Variants in FAR2 observed in about 807,000 individuals in gnomAD.
FAR2 encodes epididymis secretory protein Li 81.
In FAR2, 19 loss-of-function variants were observed where a neutral mutation model predicts 56.0. That is an observed-to-expected ratio of 0.34 (90% CI 0.24 to 0.50). FAR2 has a LOEUF of 0.50. FAR2 is among the 20% of genes least tolerant of loss of function. The probability of loss-of-function intolerance (pLI) is 0.98; values close to 1 mark genes in which losing one functional copy is unlikely to be tolerated. For missense variants in FAR2, 508 were observed against 642.2 expected, an observed-to-expected ratio of 0.79 and a Z score of 2.26; for synonymous variants, 219 against 218.8, an observed-to-expected ratio of 1.00 and a Z score of -0.01.
At chr12:29,319,373 A>G (rs1049453387) in intron 9 of FAR2, among the ~76,000 whole-genome samples, 3 of 152,206 alleles carry the variant, frequency 2.0e-5, no homozygotes, top group Admixed American at 6.5e-5. Flanking sequence ...TGTCAAACTC[A>G]TAAGGAATGA....
chr12:29,217,268 A>G lies in FAR2; in HGVS notation c.-38-53144A>G, dbSNP rs567997969. On this transcript the variant is annotated intron_variant, in intron 1 of 11. Transcript: ENST00000536681. Reference sequence around the variant, plus strand: ...CTGGAGGCATCTGCTCAGTCCGGGTATGGGAAGGTGGAGAATCTGGCTTGA... The same window carrying G: ...CTGGAGGCATCTGCTCAGTCCGGGTGTGGGAAGGTGGAGAATCTGGCTTGA... Among the ~76,000 whole-genome samples, 21 of 152,330 alleles carry G rather than the reference A, an allele frequency of 1.4e-4. No homozygotes were observed. The South Asian group carries it at 4.3e-3, about 32-fold the overall frequency.
chr12:29,172,387 A>T lies in FAR2; in HGVS notation c.-39+22980A>T, dbSNP rs181027713. Among the ~76,000 whole-genome samples, 621 of 150,856 alleles carry T rather than the reference A, an allele frequency of 4.1e-3. 6 individuals carry two copies. The highest frequency in any genetic ancestry group is 6.5e-3 in the Non-Finnish European group (436 of 67,546). The stretch of plus-strand genomic sequence containing the variant: ...AAGTTTACTTTTTAATTAAAAGTTT[A>T]AAAAAAAAATAAAGTGTCCTTGCAA... On this transcript the variant is annotated intron_variant, in intron 1 of 11. Coordinates refer to ENST00000536681, the MANE Select transcript of FAR2 (RefSeq NM_001271783.2).
chr12:29,235,838 C>T (rs763617719), intron 1 of FAR2, among the ~76,000 whole-genome samples: 1 of 152,064 alleles, frequency 6.6e-6, no homozygotes, highest in Non-Finnish European at 1.5e-5. Flanking sequence ...TGGTCACTAC[C>T]ATATTGCTTT....
At chr12:29,265,425 G>A (rs543663886) in intron 1 of FAR2, among the ~76,000 whole-genome samples, 1 of 152,184 alleles carries the variant, frequency 6.6e-6, no homozygotes, top group Non-Finnish European at 1.5e-5. Flanking sequence ...ATACATTGGG[G>A]AAAGGACAAT....
intron 1 of FAR2, among the ~76,000 whole-genome samples, chr12:29,261,509 G>T (rs1184468325): frequency 6.6e-6 from 1 of 152,148 alleles, no homozygotes; most frequent in African/African-American, 2.4e-5. Context: ...TTTACTCAAA[G>T]GGATAATAAC....
intron 4 of FAR2, among the ~76,000 whole-genome samples, 167 bp downstream of exon 4, chr12:29,297,367 A>AGCAGT (rs1949088745): frequency 6.6e-6 from 1 of 152,166 alleles, no homozygotes; most frequent in Non-Finnish European, 1.5e-5. Flanking sequence ...TCTGGTGGGG[A>AGCAGT]ATATACTGCT....
chr12:29,232,149 C>A (rs1312091202), intron 1 of FAR2, among the ~76,000 whole-genome samples: 3 of 152,120 alleles, frequency 2.0e-5, no homozygotes, highest in Non-Finnish European at 4.4e-5. Context: ...TATTTGGTAG[C>A]AATCCCAGAC....
chr12:29,328,089 G>A (rs1216232584), intron 10 of FAR2, among the ~76,000 whole-genome samples: 1 of 152,116 alleles, frequency 6.6e-6, no homozygotes, highest in Non-Finnish European at 1.5e-5. Context: ...CAAAAAGTGG[G>A]CTAAGGATAT....
chr12:29,238,091 C>A (rs2136660266), intron 1 of FAR2, among the ~76,000 whole-genome samples: 1 of 152,226 alleles, frequency 6.6e-6, no homozygotes, highest in East Asian at 1.9e-4. Context: ...CATTGCACTG[C>A]AGTTTAAGAA....
Position 29,307,622 on chromosome 12 carries a change from A to G in FAR2, c.546-36A>G, listed in dbSNP as rs773698282. Reference sequence around the variant, plus strand: ...TTTTCCTTTTGGTTTATTGTCTAACATATGTTACTAGAATTCTCTTTACTC... The same window carrying G: ...TTTTCCTTTTGGTTTATTGTCTAACGTATGTTACTAGAATTCTCTTTACTC... On this transcript the variant is annotated intron_variant, in intron 4 of 11. Coordinates refer to ENST00000536681, the MANE Select transcript of FAR2 (RefSeq NM_001271783.2). 4 of 1,558,178 alleles carry G rather than the reference A, an allele frequency of 2.6e-6. No individual in the cohort carries two copies. In the South Asian group the frequency reaches 3.6e-5, roughly 14 times the overall value.
rs1948235640 is a variant in FAR2, at chr12:29,252,901, C to T, written c.-38-17511C>T. Reference sequence around the variant, plus strand: ...TCTGGATATTTCTGTGAAGGTGCTTCTGGATGAGACTAACATTTAAATTGG... The same window carrying T: ...TCTGGATATTTCTGTGAAGGTGCTTTTGGATGAGACTAACATTTAAATTGG... On this transcript the variant is annotated intron_variant, in intron 1 of 11. Transcript: ENST00000536681. Among the ~76,000 whole-genome samples the T allele has an allele frequency of 2.6e-5, 4 of 152,148 alleles. No individual in the cohort carries two copies. The South Asian group carries it at 8.3e-4, about 32-fold the overall frequency.
intron 1 of FAR2, among the ~76,000 whole-genome samples, chr12:29,258,302 C>T (rs1265910389): frequency 2.0e-5 from 3 of 152,084 alleles, no homozygotes; most frequent in Non-Finnish European, 2.9e-5. Flanking sequence ...TTGCAGTGAG[C>T]CGAGATCGCA....
At chr12:29,174,279 G>T (rs188920224) in intron 1 of FAR2, among the ~76,000 whole-genome samples, 2 of 149,832 alleles carry the variant, frequency 1.3e-5, no homozygotes, top group African/African-American at 4.9e-5. Flanking sequence ...CCCCCACCAC[G>T]ATGGGGCTTT....
intron 1 of FAR2, among the ~76,000 whole-genome samples, chr12:29,154,041 T>C (rs911474124): frequency 1.4e-4 from 21 of 152,214 alleles, no homozygotes; most frequent in African/African-American, 4.6e-4. Flanking sequence ...TCCTCTCTAC[T>C]GTTTGAATGA....
At chr12:29,217,899 A>G (rs77591579) in intron 1 of FAR2, among the ~76,000 whole-genome samples, 8,622 of 152,210 alleles carry the variant, frequency 0.057, 558 homozygotes, top group African/African-American at 0.15. Context: ...CAAACGTGTT[A>G]AAGAAATTAA....
chr12:29,190,042 G>A (rs917270725), intron 1 of FAR2, among the ~76,000 whole-genome samples: 5 of 152,180 alleles, frequency 3.3e-5, no homozygotes, highest in Non-Finnish European at 5.9e-5. Context: ...TGAAGGAAAT[G>A]TGTGCACTGT....
chr12:29,254,442 C>T (rs1948281872), intron 1 of FAR2, among the ~76,000 whole-genome samples: 1 of 152,144 alleles, frequency 6.6e-6, no homozygotes, highest in South Asian at 2.1e-4. Flanking sequence ...TCAAGCAATC[C>T]TCATGCTTCA....
chr12:29,162,149 C>G (rs529599126), intron 1 of FAR2, among the ~76,000 whole-genome samples: 2 of 152,038 alleles, frequency 1.3e-5, no homozygotes, highest in Non-Finnish European at 2.9e-5. Flanking sequence ...TAGTGGTGTT[C>G]TTCATAGTAT....
chr12:29,240,732 A>G (rs1591881502), intron 1 of FAR2, among the ~76,000 whole-genome samples: 1 of 152,296 alleles, frequency 6.6e-6, no homozygotes, highest in East Asian at 1.9e-4. Context: ...CACAAGGTAT[A>G]CATCTTAAAA....
Sources: gnomAD v4.1 joint callset for allele counts (sites outside exome capture counted in the v4.1 genomes callset) on GRCh38, gnomAD v4.1.1 for gene constraint, MANE v1.5 for transcripts, NCBI Gene and HGNC (gene_info 2026-07-23, HGNC 2026-07-21) for gene names.